PTPRN2: variants seen among roughly 807,000 people sequenced by gnomAD.
PTPRN2 encodes the protein receptor-type tyrosine-protein phosphatase N2.
A neutral mutation model predicts 118.8 loss-of-function variants in PTPRN2; 74 were observed. The ratio of observed to expected loss-of-function variants is 0.62; its 90% CI spans 0.52 to 0.76. The LOEUF is 0.76. PTPRN2 is among the 30% of genes least tolerant of loss of function. The pLI is 0.00. For missense variants in PTPRN2, 1,481 were observed against 1,394.4 expected, an observed-to-expected ratio of 1.06 and a Z score of -0.99; for synonymous variants, 641 against 608.0, an observed-to-expected ratio of 1.05 and a Z score of -0.80.
At chr7:157,741,137 T>C (rs1800611756) in intron 12 of PTPRN2, among the ~76,000 whole-genome samples, 2 of 152,180 alleles carry the variant, frequency 1.3e-5, no homozygotes, top group South Asian at 4.1e-4. Context: ...TTCCACAGGC[T>C]CCATGACGGC....
At chr7:157,811,064 G>A (rs1026186810) in intron 12 of PTPRN2, among the ~76,000 whole-genome samples, 1 of 151,900 alleles carries the variant, frequency 6.6e-6, no homozygotes, top group Admixed American at 6.5e-5. Context: ...GAAGTCAGGA[G>A]ATCGAGACCA....
chr7:157,844,433 C>A (rs1401268426), intron 12 of PTPRN2, among the ~76,000 whole-genome samples: 1 of 152,156 alleles, frequency 6.6e-6, no homozygotes, highest in Non-Finnish European at 1.5e-5. Context: ...AGAAAGAACA[C>A]TAGAGCTGAA....
intron 11 of PTPRN2, chr7:158,029,071 C>A (rs560247369): frequency 6.6e-6 from 1 of 152,464 alleles, no homozygotes; most frequent in East Asian, 1.9e-4. Context: ...CTCGAACACC[C>A]CTGCTCTGGA....
chr7:158,517,570 G>A lies in PTPRN2; in HGVS notation c.113-27785C>T, dbSNP rs1224397464. Reference sequence around the variant, plus strand: ...CCCTCTGCAATCTCCTCCAACAGCCGCCAGGATCATCTTTACAAAATGCAA... The same window carrying A: ...CCCTCTGCAATCTCCTCCAACAGCCACCAGGATCATCTTTACAAAATGCAA... On this transcript the variant is annotated intron_variant, in intron 1 of 22. Coordinates refer to ENST00000389418, the MANE Select transcript of PTPRN2 (RefSeq NM_002847.5). This position sits in a 1 kb window ranked among gnomAD's most constrained non-coding sequence, Gnocchi z 5.3. 1.3e-5 allele frequency among the ~76,000 whole-genome samples: 2 copies of A among 150,862 alleles called. No homozygotes were observed. The highest frequency in any genetic ancestry group is 2.9e-5 in the Non-Finnish European group (2 of 67,866).
chr7:157,785,788 C>T lies in PTPRN2; in HGVS notation c.1789-102851G>A, dbSNP rs1044058356. ...TACACAGTCTAGCAGCTGCCACGCC[C>T]GGCTGGGAGCTGAGACGCGCAGGGG... On this transcript the variant is annotated intron_variant, in intron 12 of 22. Transcript: ENST00000389418. The surrounding 1 kb of genome is among the most constrained non-coding windows in gnomAD (Gnocchi z 7.3). Among the ~76,000 whole-genome samples, 3 of 152,158 alleles carry T rather than the reference C, an allele frequency of 2.0e-5. No homozygotes were observed. The highest frequency in any genetic ancestry group is 4.4e-5 in the Non-Finnish European group (3 of 68,018).
chr7:157,908,169 G>C (rs1250931045), intron 11 of PTPRN2, among the ~76,000 whole-genome samples: 1 of 152,202 alleles, frequency 6.6e-6, no homozygotes, highest in Non-Finnish European at 1.5e-5. Flanking sequence ...ATCTTGCAGA[G>C]ACCCCAACTG....
At chr7:158,031,702 C>A (rs1030851058) in intron 11 of PTPRN2, among the ~76,000 whole-genome samples, 1 of 152,166 alleles carries the variant, frequency 6.6e-6, no homozygotes, top group Non-Finnish European at 1.5e-5. Flanking sequence ...TCGTAATCTT[C>A]AGTGGATGTT....
At chr7:158,383,419 C>T (rs2878457) in intron 2 of PTPRN2, among the ~76,000 whole-genome samples, 148,991 of 152,272 alleles carry the variant, frequency 0.98, 72,907 homozygotes, top group African/African-American at 0.99. Context: ...CTTAACATTC[C>T]AAAGTATAAT....
Position 157,717,058 on chromosome 7 carries a change from G to T in PTPRN2, c.1789-34121C>A, listed in dbSNP as rs2907678. Among the ~76,000 whole-genome samples, 10 of 140,184 alleles carry T rather than the reference G, an allele frequency of 7.1e-5. 1 individual carries two copies. Among genetic ancestry groups the T allele is most frequent in the African/African-American group, 2.2e-4 (8 of 36,994 alleles). 92.0% of individuals were successfully genotyped at this position (140,184 alleles called of 152,430 possible). A position where few individuals can be genotyped will look rare whatever the true frequency, so the allele number is the denominator to read the frequency against. On this transcript the variant is annotated intron_variant, in intron 12 of 22. Transcript: ENST00000389418. ...CTCTGCGGGAACACTGCCTGGCCAC[G>T]TAGACTCTGCAGGAACACTGCCTGG...
intron 13 of PTPRN2, among the ~76,000 whole-genome samples, chr7:157,658,763 A>G (rs1178290939): frequency 6.6e-6 from 1 of 152,220 alleles, no homozygotes; most frequent in Non-Finnish European, 1.5e-5. Context: ...AAGTGAAATG[A>G]TACCCAGAAA....
At chr7:158,078,068 C>T (rs1419933357) in intron 11 of PTPRN2, among the ~76,000 whole-genome samples, 5 of 152,104 alleles carry the variant, frequency 3.3e-5, no homozygotes, top group African/African-American at 7.2e-5. Context: ...GCATTGCCTA[C>T]GATAAAGAGG....
rs1018047073 is a variant in PTPRN2, at chr7:157,779,669, C to A, written c.1789-96732G>T. On this transcript the variant is annotated intron_variant, in intron 12 of 22. Transcript: ENST00000389418. This position sits in a 1 kb window ranked among gnomAD's most constrained non-coding sequence, Gnocchi z 4.7. ...GGCTGACCCTAGACTCTGGCCAGGACGAGCTGGGGTGAGGGGCCCCGGCCA... is the reference window on the plus strand; with the variant it reads ...GGCTGACCCTAGACTCTGGCCAGGAAGAGCTGGGGTGAGGGGCCCCGGCCA... 6.6e-6 allele frequency among the ~76,000 whole-genome samples: 1 copy of A among 152,176 alleles called. No individual in the cohort carries two copies. Among genetic ancestry groups the A allele is most frequent in the Non-Finnish European group, 1.5e-5 (1 of 68,024 alleles).
chr7:158,167,960 A>G (rs1187833687), intron 5 of PTPRN2, among the ~76,000 whole-genome samples: 2 of 152,180 alleles, frequency 1.3e-5, no homozygotes, highest in Admixed American at 6.5e-5. Context: ...TAATGCTGCT[A>G]TGAGTATTCA....
At chr7:157,631,109 T>C (rs1005661881) in intron 14 of PTPRN2, among the ~76,000 whole-genome samples, 22 of 152,160 alleles carry the variant, frequency 1.4e-4, no homozygotes, top group Admixed American at 8.5e-4. Flanking sequence ...CAGAGACCCT[T>C]GAAAACTGTT....
intron 2 of PTPRN2, among the ~76,000 whole-genome samples, chr7:158,464,473 C>T (rs947889217): frequency 1.4e-5 from 2 of 137,950 alleles, no homozygotes; most frequent in Non-Finnish European, 3.1e-5. Context: ...TCCTTACCAT[C>T]GCCATCATTG....
At chr7:158,330,895 C>G (rs1195295694) in intron 2 of PTPRN2, among the ~76,000 whole-genome samples, 7 of 107,000 alleles carry the variant, frequency 6.5e-5, no homozygotes, top group Admixed American at 1.1e-4. Context: ...AAACTCTCAC[C>G]ATAAGAGCTG....
intron 12 of PTPRN2, among the ~76,000 whole-genome samples, chr7:157,840,288 CGTGTG>C (rs1253004845): frequency 9.6e-6 from 1 of 103,850 alleles, no homozygotes; most frequent in African/African-American, 3.8e-5. Context: ...ACTGTGTGAC[CGTGTG>C]ACTGTGTGAC....
At chr7:158,365,836 G>GCGCACA (rs1554480252) in intron 2 of PTPRN2, among the ~76,000 whole-genome samples, 275 of 14,762 alleles carry the variant, frequency 0.019, 19 homozygotes, top group South Asian at 0.16. Flanking sequence ...GTGCATGCGT[G>GCGCACA]CACACACACA....
intron 11 of PTPRN2, among the ~76,000 whole-genome samples, chr7:157,899,075 G>T (rs539259969): frequency 1.3e-5 from 2 of 152,192 alleles, no homozygotes; most frequent in Admixed American, 6.5e-5. Context: ...TTAAAATTAC[G>T]TAATCGTTTC....
Sources: allele counts gnomAD v4.1 joint callset (sites outside exome capture counted in the v4.1 genomes callset), GRCh38; gene constraint gnomAD v4.1.1; non-coding constraint Gnocchi (gnomAD v3.1); transcripts MANE v1.5; gene names NCBI Gene and HGNC (gene_info 2026-07-23, HGNC 2026-07-21).